The following FGF12 variants were observed in gnomAD, a reference collection of about 807,000 sequenced individuals.
The protein encoded by FGF12 is fibroblast growth factor 12.
FGF12 carries 14 observed loss-of-function variants against 23.6 expected under a neutral mutation model. That is an observed-to-expected ratio of 0.59 (90% CI 0.39 to 0.93). The LOEUF (loss-of-function observed/expected upper bound fraction) is 0.93, where lower values mean the gene tolerates loss of function less well. Among genes scored for constraint, FGF12 ranks in the 40% least tolerant of loss-of-function variants. The probability of loss-of-function intolerance (pLI) is 0.00; values close to 1 mark genes in which losing one functional copy is unlikely to be tolerated. For synonymous variants in FGF12, 62 were observed against 77.3 expected, an observed-to-expected ratio of 0.80 and a Z score of 1.04; for missense variants, 175 against 217.8, an observed-to-expected ratio of 0.80 and a Z score of 1.24.
At chr3:192,315,561 C>G (rs973060201) in intron 4 of FGF12, among the ~76,000 whole-genome samples, 3 of 152,044 alleles carry the variant, frequency 2.0e-5, no homozygotes, top group Non-Finnish European at 4.4e-5. Context: ...AAGGAAAATG[C>G]CCAGAAGTTG....
chr3:192,602,583 T>A lies in FGF12; in HGVS notation c.13+124598A>T, dbSNP rs189618658. On this transcript the variant is annotated intron_variant, in intron 2 of 5. Transcript: ENST00000445105. Reference sequence around the variant, plus strand: ...GCATGTACAAGTTGCTGCCACAGTGTGTATGCAACTGTTTCTAAACAGCAA... The same window carrying A: ...GCATGTACAAGTTGCTGCCACAGTGAGTATGCAACTGTTTCTAAACAGCAA... 1.7e-3 allele frequency among the ~76,000 whole-genome samples: 261 copies of A among 152,222 alleles called. 1 individual carries two copies. Among genetic ancestry groups the A allele is most frequent in the African/African-American group, 6.0e-3 (248 of 41,540 alleles).
At chr3:192,433,143 T>G (rs970011869) in intron 2 of FGF12, among the ~76,000 whole-genome samples, 3 of 152,180 alleles carry the variant, frequency 2.0e-5, no homozygotes, top group Non-Finnish European at 4.4e-5. Flanking sequence ...ATTCATTGTC[T>G]TTGAGGGCAC....
chr3:192,216,768 A>G (rs1367463350), intron 4 of FGF12, among the ~76,000 whole-genome samples: 1 of 152,206 alleles, frequency 6.6e-6, no homozygotes, highest in Non-Finnish European at 1.5e-5. Flanking sequence ...TTTTCAGGTG[A>G]GAAAACTGAG....
At chr3:192,493,014 C>T (rs1345379342) in intron 2 of FGF12, among the ~76,000 whole-genome samples, 1 of 134,460 alleles carries the variant, frequency 7.4e-6, no homozygotes, top group Non-Finnish European at 1.6e-5. Flanking sequence ...CCAGGCTCAT[C>T]TTGAACTCCT....
intron 5 of FGF12, among the ~76,000 whole-genome samples, chr3:192,158,430 T>TTTTTC: frequency 3.5e-5 from 5 of 144,050 alleles, no homozygotes; most frequent in African/African-American, 1.3e-4. Context: ...TCTTTTTCTT[T>TTTTTC]TTTCTTTCTT....
chr3:192,657,928 T>A (rs1466892208), intron 2 of FGF12, among the ~76,000 whole-genome samples: 1 of 152,164 alleles, frequency 6.6e-6, no homozygotes, highest in Non-Finnish European at 1.5e-5. Context: ...AAAGGCTTTT[T>A]TACTCTGGGC....
intron 4 of FGF12, among the ~76,000 whole-genome samples, chr3:192,257,447 C>T (rs1712470993): frequency 6.6e-6 from 1 of 152,058 alleles, no homozygotes; most frequent in African/African-American, 2.4e-5. Context: ...TGCTTGTAAT[C>T]GTGCACATCC....
intron 3 of FGF12, among the ~76,000 whole-genome samples, chr3:192,344,257 T>G (rs1405980678): frequency 6.6e-6 from 1 of 152,210 alleles, no homozygotes; most frequent in East Asian, 1.9e-4. Flanking sequence ...TTTGTTCTCA[T>G]TGTTGTTTTC....
At chr3:192,513,710 C>T (rs974501781) in intron 2 of FGF12, among the ~76,000 whole-genome samples, 10 of 152,188 alleles carry the variant, frequency 6.6e-5, no homozygotes, top group African/African-American at 2.4e-4. Context: ...AATTCATGGA[C>T]CAAAAACGTA....
chr3:192,400,761 C>A (rs1017497551), intron 2 of FGF12, among the ~76,000 whole-genome samples: 2 of 152,216 alleles, frequency 1.3e-5, no homozygotes, highest in African/African-American at 4.8e-5. Context: ...TCCATCTCCA[C>A]AAACATGCAA....
At chr3:192,234,996 A>G (rs142201319) in intron 4 of FGF12, among the ~76,000 whole-genome samples, 1 of 152,080 alleles carries the variant, frequency 6.6e-6, no homozygotes, top group African/African-American at 2.4e-5. Flanking sequence ...ATTAGCCTGA[A>G]GTTTTCTTTT....
chr3:192,500,579 A>G lies in FGF12; in HGVS notation c.14-140041T>C, dbSNP rs556058338. On this transcript the variant is annotated intron_variant, in intron 2 of 5. Transcript: ENST00000445105. ...CTCTTTCTGCTTCATTTACTGCCCAATTGCTTCTGAGACTAATCCAACTCT... is the reference window on the plus strand; with the variant it reads ...CTCTTTCTGCTTCATTTACTGCCCAGTTGCTTCTGAGACTAATCCAACTCT... Among the ~76,000 whole-genome samples the G allele has an allele frequency of 3.3e-5, 5 of 152,288 alleles. No homozygotes were observed. The East Asian group carries it at 7.7e-4, about 24-fold the overall frequency.
chr3:192,557,969 A>G (rs1474859983), intron 2 of FGF12, among the ~76,000 whole-genome samples: 8 of 151,958 alleles, frequency 5.3e-5, no homozygotes. Flanking sequence ...CATAATATTC[A>G]ATGGTAAAAA....
intron 2 of FGF12, among the ~76,000 whole-genome samples, chr3:192,472,767 C>T (rs906904653): frequency 3.3e-5 from 5 of 152,162 alleles, no homozygotes; most frequent in African/African-American, 4.8e-5. Flanking sequence ...CTCCTCACCT[C>T]CTCCCACTAC....
intron 2 of FGF12, among the ~76,000 whole-genome samples, chr3:192,617,979 A>G (rs1714826136): frequency 6.6e-6 from 1 of 152,110 alleles, no homozygotes; most frequent in South Asian, 2.1e-4. Flanking sequence ...AATTTGGGTT[A>G]TTGATATAAA....
intron 2 of FGF12, among the ~76,000 whole-genome samples, chr3:192,403,263 CAG>C (rs943592456): frequency 5.9e-5 from 9 of 152,180 alleles, no homozygotes; most frequent in Non-Finnish European, 1.3e-4. Context: ...TCCTCAAATG[CAG>C]AGACTGCCTC....
chr3:192,487,000 C>CTATTAT (rs139848338), intron 2 of FGF12, among the ~76,000 whole-genome samples: 1 of 151,716 alleles, frequency 6.6e-6, no homozygotes, highest in African/African-American at 2.4e-5. Flanking sequence ...ATTTGTTTTA[C>CTATTAT]TATTATTATT....
intron 2 of FGF12, among the ~76,000 whole-genome samples, chr3:192,457,641 A>G (rs1722720391): frequency 1.3e-5 from 2 of 152,208 alleles, no homozygotes; most frequent in Non-Finnish European, 2.9e-5. Flanking sequence ...TGACTTGGGC[A>G]CTGTTAAAAG....
At chr3:192,693,339 T>C (rs759420863) in intron 2 of FGF12, among the ~76,000 whole-genome samples, 6 of 152,136 alleles carry the variant, frequency 3.9e-5, no homozygotes, top group Non-Finnish European at 8.8e-5. Context: ...TGTTAAAATT[T>C]TTATACTCAA....
Sources: allele counts gnomAD v4.1 joint callset (sites outside exome capture counted in the v4.1 genomes callset), GRCh38; gene constraint gnomAD v4.1.1; transcripts MANE v1.5; gene names NCBI Gene and HGNC (gene_info 2026-07-23, HGNC 2026-07-21).